SCN2A: variants seen among roughly 807,000 people sequenced by gnomAD.
SCN2A encodes the protein sodium voltage-gated channel alpha subunit 2, also known as sodium channel protein type 2 subunit alpha.
A neutral mutation model predicts 188.7 loss-of-function variants in SCN2A; 20 were observed. The ratio of observed to expected loss-of-function variants is 0.11; its 90% CI spans 0.07 to 0.15. SCN2A has a LOEUF of 0.15. Among genes scored for constraint, SCN2A ranks in the 10% least tolerant of loss-of-function variants. The pLI, the probability that SCN2A is intolerant of heterozygous loss-of-function variation, is 1.00. For synonymous variants in SCN2A, 804 were observed against 833.1 expected (o/e 0.97, Z 0.60); for missense variants, 1,278 against 2,445.0 (o/e 0.52, Z 10.07).
chr2:165,317,876 G>T (rs533201869), intron 11 of SCN2A, among the ~76,000 whole-genome samples: 2 of 152,098 alleles, frequency 1.3e-5, no homozygotes, highest in Non-Finnish European at 2.9e-5. Flanking sequence ...AAATGTCTAA[G>T]AGGATGGAGA....
At chr2:165,299,291 T>C (rs1696669829) in intron 3 of SCN2A, among the ~76,000 whole-genome samples, 1 of 152,276 alleles carries the variant, frequency 6.6e-6, no homozygotes, top group Non-Finnish European at 1.5e-5. Context: ...GGCTTGTATT[T>C]GCTTCCTGGG....
At chr2:165,275,249 T>A (rs1457570429) in intron 1 of SCN2A, among the ~76,000 whole-genome samples, 1 of 152,160 alleles carries the variant, frequency 6.6e-6, no homozygotes, top group Admixed American at 6.5e-5. Flanking sequence ...TTGGCTAGAT[T>A]CTCCACTTTC....
At chr2:165,256,314 T>C (rs1307658319) in intron 1 of SCN2A, among the ~76,000 whole-genome samples, 2 of 152,150 alleles carry the variant, frequency 1.3e-5, no homozygotes, top group Non-Finnish European at 2.9e-5. Context: ...CTATTTTCTT[T>C]AATGTAAATA....
At chr2:165,348,932 T>C (rs894044129) in intron 16 of SCN2A, among the ~76,000 whole-genome samples, 15 of 152,366 alleles carry the variant, frequency 9.8e-5, no homozygotes, top group South Asian at 2.1e-4. Context: ...ATCCTCTTTA[T>C]GTTCTACTCT....
chr2:165,290,878 C>A, intron 1 of SCN2A: 2 of 702,492 alleles, frequency 2.8e-6, no homozygotes, highest in Non-Finnish European at 3.5e-6. Flanking sequence ...TGTTACTTTC[C>A]AAAAGTGGAG....
At chr2:165,337,268 T>C (rs769432033) in intron 14 of SCN2A, among the ~76,000 whole-genome samples, 1 of 152,052 alleles carries the variant, frequency 6.6e-6, no homozygotes, top group Non-Finnish European at 1.5e-5. Context: ...AATTATCCAA[T>C]TTGAACACTA....
At chr2:165,250,644 T>C (rs913615422) in intron 1 of SCN2A, among the ~76,000 whole-genome samples, 1 of 151,920 alleles carries the variant, frequency 6.6e-6, no homozygotes, top group Non-Finnish European at 1.5e-5. Flanking sequence ...CACGAACATG[T>C]ACACACACAT....
At chr2:165,342,183 AT>A (rs1377705132) in intron 14 of SCN2A, 112 bp from the exon 15 acceptor site, 5 of 1,057,258 alleles carry the variant, frequency 4.7e-6, no homozygotes, top group Non-Finnish European at 7.0e-6. Context: ...ACCTAAACCA[AT>A]TTTTTAAAAT....
intron 25 of SCN2A, among the ~76,000 whole-genome samples, chr2:165,382,491 A>G (rs1386220578): frequency 6.6e-6 from 1 of 152,116 alleles, no homozygotes; most frequent in Non-Finnish European, 1.5e-5. Flanking sequence ...GAAGTTAGCC[A>G]ATAAGAAGAC....
chr2:165,248,485 A>G (rs935858171), intron 1 of SCN2A, among the ~76,000 whole-genome samples: 5 of 152,132 alleles, frequency 3.3e-5, no homozygotes, highest in Admixed American at 1.3e-4. Context: ...ATCTGAGCTC[A>G]AATGTCGTTT....
At chr2:165,324,551 T>C (rs1452185075) in intron 12 of SCN2A, among the ~76,000 whole-genome samples, 2 of 152,170 alleles carry the variant, frequency 1.3e-5, no homozygotes, top group African/African-American at 4.8e-5. Context: ...ATGAGAAAAG[T>C]AGAACTTTAT....
intron 4 of SCN2A, 24 bp from the exon 5 acceptor site, chr2:165,308,642 G>A: frequency 6.2e-7 from 1 of 1,607,518 alleles, no homozygotes; most frequent in Admixed American, 1.7e-5. Context: ...GATTTTTAAT[G>A]TGAGCTTGGC....
intron 3 of SCN2A, among the ~76,000 whole-genome samples, chr2:165,298,611 G>A (rs532503338): frequency 6.6e-6 from 1 of 152,254 alleles, no homozygotes; most frequent in East Asian, 1.9e-4. Flanking sequence ...GAACCCAGTA[G>A]CATGTGGGGA....
chr2:165,258,636 A>G (rs1010609479), intron 1 of SCN2A, among the ~76,000 whole-genome samples: 1 of 152,228 alleles, frequency 6.6e-6, no homozygotes, highest in Non-Finnish European at 1.5e-5. Context: ...ATGCACACCT[A>G]TGTTCACTGC....
chr2:165,368,601 CACTTAATT>C (rs1457401415), intron 19 of SCN2A, among the ~76,000 whole-genome samples: 7 of 152,232 alleles, frequency 4.6e-5, no homozygotes, highest in Middle Eastern at 3.4e-3. Context: ...GAAGTAGACT[CACTTAATT>C]ACTGACTAGC....
At chr2:165,368,775 A>G (rs966429613) in intron 19 of SCN2A, among the ~76,000 whole-genome samples, 3 of 152,290 alleles carry the variant, frequency 2.0e-5, no homozygotes, top group African/African-American at 7.2e-5. Flanking sequence ...TTTAATTAAT[A>G]ACTAGAGTGT....
intron 1 of SCN2A, among the ~76,000 whole-genome samples, chr2:165,291,688 G>A (rs1175500478): frequency 1.3e-5 from 2 of 149,740 alleles, no homozygotes; most frequent in African/African-American, 4.9e-5. Context: ...GGTCTCAAGG[G>A]ATCCTCCTGC....
At chr2:165,338,726 A>G (rs1699149836) in intron 14 of SCN2A, among the ~76,000 whole-genome samples, 1 of 152,228 alleles carries the variant, frequency 6.6e-6, no homozygotes. Flanking sequence ...GGATTATCTC[A>G]GAAAAGTAAG....
chr2:165,323,346 G>A lies in SCN2A; in HGVS notation c.1862G>A (p.Arg621His), dbSNP rs1174603483. The A allele has an allele frequency of 1.9e-6, 3 of 1,614,140 alleles. No individual in the cohort carries two copies. Among genetic ancestry groups the A allele is most frequent in the Admixed American group, 1.7e-5 (1 of 60,028 alleles). ...GTGCCGCACAGACATGGAGAACGGCGCCACAGCAATGTCAGCCAGGCCAGC... is the reference window on the plus strand; with the variant it reads ...GTGCCGCACAGACATGGAGAACGGCACCACAGCAATGTCAGCCAGGCCAGC... ...LFVPHRHGER[R>H]HSNVSQASRA... is the part of the protein sequence containing the mutation. The change falls in exon 12 of 27, where the codon CGC (arginine) becomes CAC (histidine). Residue 621 changes from arginine (R) to histidine (H), a missense_variant. By Grantham distance (29) the Arg-to-His change is conservative. This residue lies in a region of SCN2A where 315 missense variants were observed against 386.6 expected (regional missense o/e 0.81). Transcript: ENST00000375437.
Sources: allele counts gnomAD v4.1 joint callset (sites outside exome capture counted in the v4.1 genomes callset), GRCh38; gene constraint gnomAD v4.1.1; regional missense constraint gnomAD v4.1.1; transcripts MANE v1.5; gene names NCBI Gene and HGNC (gene_info 2026-07-23, HGNC 2026-07-21).